The following LMOD1 variants were observed in gnomAD, a reference collection of about 807,000 sequenced individuals.
LMOD1 encodes leiomodin-1.
A neutral mutation model predicts 36.5 loss-of-function variants in LMOD1; 8 were observed. The observed-to-expected ratio is 0.22, with a 90% confidence interval of 0.13 to 0.40. The LOEUF (loss-of-function observed/expected upper bound fraction) is 0.40, where lower values mean the gene tolerates loss of function less well. LMOD1 is among the 10% of genes least tolerant of loss of function. The pLI is 1.00. For synonymous variants in LMOD1, 284 were observed against 288.7 expected, an observed-to-expected ratio of 0.98 and a Z score of 0.17; for missense variants, 630 against 751.1, an observed-to-expected ratio of 0.84 and a Z score of 1.88.
chr1:201,913,046 A>G (rs1406555217), intron 1 of LMOD1, among the ~76,000 whole-genome samples: 1 of 152,160 alleles, frequency 6.6e-6, no homozygotes, highest in Admixed American at 6.5e-5. Flanking sequence ...CCTGCCCACC[A>G]CTGACGTTCC....
In LMOD1 at chr1:201,906,346, C is replaced by G. The variant is rs117936553; in HGVS notation, c.262-5595G>C. On this transcript the variant is annotated intron_variant, in intron 1 of 2. Coordinates refer to ENST00000367288, the MANE Select transcript of LMOD1 (RefSeq NM_012134.3). ...CTGTCCATCCGCATCCTGCATCAGT[C>G]CCCCCACCCGCCTCCACCATGTCTC... is the stretch of plus-strand genomic sequence containing the variant. Among the ~76,000 whole-genome samples the G allele has an allele frequency of 1.7e-3, 253 of 152,274 alleles. 2 individuals carry two copies. The East Asian group carries it at 0.046, about 28-fold the overall frequency.
intron 1 of LMOD1, among the ~76,000 whole-genome samples, chr1:201,945,294 C>G (rs1682184670): frequency 6.6e-6 from 1 of 152,162 alleles, no homozygotes; most frequent in Admixed American, 6.5e-5. Context: ...GCAGATGCTT[C>G]CAAAACCGTC....
At position 201,900,258 on chromosome 1, in the gene LMOD1, T is replaced by C. The variant is rs1399848777; in HGVS notation, c.755A>G (p.Asp252Gly). Residue 252 changes from aspartate (D) to glycine (G), a missense_variant, in exon 2 of 3, where the codon GAT becomes GGT. By Grantham distance (94) the Asp-to-Gly change is moderately conservative (BLOSUM62 -1). This residue lies in a region of LMOD1 where 405 missense variants were observed against 400.6 expected (regional missense o/e 1.01). Coordinates refer to ENST00000367288, the MANE Select transcript of LMOD1 (RefSeq NM_012134.3). ...CCCAGTTCCTCTTTTTACCTTCTCA[T>C]CCTCCTTTTTCATGTCTGTGTTCCC... is the stretch of plus-strand genomic sequence containing the variant. ...AGGNTDMKKE[D>G]EKVKRGTGNT... 6.2e-7 allele frequency: 1 copy of C among 1,613,638 alleles called. No homozygotes were observed. The highest frequency in any genetic ancestry group is 8.5e-7 in the Non-Finnish European group (1 of 1,179,730).
chr1:201,903,194 C>T (rs1261506297), intron 1 of LMOD1, among the ~76,000 whole-genome samples: 1 of 152,222 alleles, frequency 6.6e-6, no homozygotes, highest in East Asian at 1.9e-4. Flanking sequence ...TTTGTACCTG[C>T]ACCACAAACA....
At chr1:201,920,329 T>C (rs1681683265) in intron 1 of LMOD1, among the ~76,000 whole-genome samples, 1 of 151,884 alleles carries the variant, frequency 6.6e-6, no homozygotes, top group African/African-American at 2.4e-5. Context: ...CACCCACCAT[T>C]GACTCTCTGA....
intron 1 of LMOD1, among the ~76,000 whole-genome samples, chr1:201,913,324 G>A (rs1428698549): frequency 6.6e-6 from 1 of 152,140 alleles, no homozygotes; most frequent in Non-Finnish European, 1.5e-5. Flanking sequence ...TGATGTTTCA[G>A]GCTGGGCACA....
chr1:201,940,943 C>A (rs895651426), intron 1 of LMOD1, among the ~76,000 whole-genome samples: 10 of 151,810 alleles, frequency 6.6e-5, no homozygotes, highest in African/African-American at 2.4e-4. Context: ...GAAGGGGTTT[C>A]TCCATGTTGG....
chr1:201,901,812 T>G (rs1681331705), intron 1 of LMOD1, among the ~76,000 whole-genome samples: 1 of 147,988 alleles, frequency 6.8e-6, no homozygotes, highest in African/African-American at 2.5e-5. Context: ...CCCCTGCTTT[T>G]AAGGAGTAGG....
chr1:201,904,458 C>T (rs1272026191), intron 1 of LMOD1, among the ~76,000 whole-genome samples: 1 of 152,228 alleles, frequency 6.6e-6, no homozygotes, highest in Non-Finnish European at 1.5e-5. Flanking sequence ...GATCCACCTG[C>T]CTCGGCCTCC....
At position 201,900,406 on chromosome 1, in the gene LMOD1, C is replaced by T. The variant is rs375724138; in HGVS notation, c.607G>A (p.Asp203Asn). 1.9e-6 allele frequency: 3 copies of T among 1,567,710 alleles called. No individual in the cohort carries two copies. The highest frequency in any genetic ancestry group is 1.2e-5 in the South Asian group (1 of 86,254). The change falls in exon 2 of 3, where the codon GAC becomes AAC. Residue 203 changes from aspartate to asparagine, a missense_variant. Coordinates refer to ENST00000367288, the MANE Select transcript of LMOD1 (RefSeq NM_012134.3). ...ATCTCCTCTCTCTTTTTATCCTTGT[C>T]CCTGCTCAAGCCTGTGTTCCTGTCA... is the stretch of plus-strand genomic sequence containing the variant. ...GSDRNTGLSR[D>N]KDKKREEMKE...
At chr1:201,945,862 T>C (rs1682202887) in intron 1 of LMOD1, among the ~76,000 whole-genome samples, 1 of 152,232 alleles carries the variant, frequency 6.6e-6, no homozygotes, top group African/African-American at 2.4e-5. Context: ...TTGTGGGATG[T>C]TGTGTTCCTC....
chr1:201,903,288 G>A (rs992136271), intron 1 of LMOD1, among the ~76,000 whole-genome samples: 24 of 152,204 alleles, frequency 1.6e-4, no homozygotes, highest in African/African-American at 5.6e-4. Context: ...AGCAGCCAAG[G>A]GGCACAGGGC....
intron 1 of LMOD1, among the ~76,000 whole-genome samples, chr1:201,930,131 C>T (rs965280137): frequency 2.0e-5 from 3 of 152,110 alleles, no homozygotes; most frequent in Admixed American, 6.6e-5. Flanking sequence ...GAAGAGTATT[C>T]GTAGCTTGAG....
At chr1:201,945,969 C>T in intron 1 of LMOD1, 111 bp downstream of exon 1, 1 of 1,094,926 alleles carries the variant, frequency 9.1e-7, no homozygotes, top group African/African-American at 1.6e-5. Flanking sequence ...GCATTAAAAT[C>T]CTTTGCCAAC....
intron 1 of LMOD1, among the ~76,000 whole-genome samples, chr1:201,903,202 A>G (rs1681359055): frequency 6.6e-6 from 1 of 152,212 alleles, no homozygotes; most frequent in African/African-American, 2.4e-5. Flanking sequence ...TGCACCACAA[A>G]CACATGCCAT....
intron 1 of LMOD1, among the ~76,000 whole-genome samples, chr1:201,914,298 A>C (rs1213800872): frequency 1.3e-5 from 2 of 152,104 alleles, no homozygotes; most frequent in African/African-American, 4.8e-5. Flanking sequence ...CCTAACACTC[A>C]CAAGTGGCGC....
Position 201,900,272 on chromosome 1 carries a change from G to A in LMOD1, c.741C>T (p.Asp247=), listed in dbSNP as rs761862383. Residue 247 remains aspartate (D), a synonymous_variant, in exon 2 of 3, where the codon GAC becomes GAT. Coordinates refer to ENST00000367288, the MANE Select transcript of LMOD1 (RefSeq NM_012134.3). ...EKMKRAGGNT[D]MKKEDEKVKR... Reference sequence around the variant, plus strand: ...TTACCTTCTCATCCTCCTTTTTCATGTCTGTGTTCCCACCTGCTCTTTTCA... The same window carrying A: ...TTACCTTCTCATCCTCCTTTTTCATATCTGTGTTCCCACCTGCTCTTTTCA... 1.2e-6 allele frequency: 2 copies of A among 1,612,646 alleles called. No individual in the cohort carries two copies. The highest frequency in any genetic ancestry group is 1.3e-5 in the African/African-American group (1 of 74,862).
chr1:201,916,101 A>G (rs1171659324), intron 1 of LMOD1, among the ~76,000 whole-genome samples: 1 of 151,426 alleles, frequency 6.6e-6, no homozygotes, highest in Non-Finnish European at 1.5e-5. Flanking sequence ...TATTTTTTGT[A>G]GAGACGGGGT....
chr1:201,941,655 T>C (rs560826459), intron 1 of LMOD1, among the ~76,000 whole-genome samples: 3 of 152,328 alleles, frequency 2.0e-5, no homozygotes, highest in South Asian at 4.1e-4. Context: ...AGAGATACCA[T>C]GGACACTGAG....
Sources: gnomAD v4.1 joint callset for allele counts (sites outside exome capture counted in the v4.1 genomes callset) on GRCh38, gnomAD v4.1.1 for gene constraint, gnomAD v4.1.1 regional missense constraint, MANE v1.5 for transcripts, NCBI Gene and HGNC (gene_info 2026-07-23, HGNC 2026-07-21) for gene names.